The following GPHN variants were observed in gnomAD, a reference collection of about 807,000 sequenced individuals.
The protein encoded by GPHN is gephyrin.
A neutral mutation model predicts 95.5 loss-of-function variants in GPHN; 17 were observed. That is an observed-to-expected ratio of 0.18 (90% CI 0.12 to 0.27). The LOEUF is 0.27. GPHN is among the 10% of genes least tolerant of loss of function. The pLI is 1.00. For missense variants in GPHN, 660 were observed against 978.1 expected, an observed-to-expected ratio of 0.67 and a Z score of 4.34; for synonymous variants, 320 against 322.5, an observed-to-expected ratio of 0.99 and a Z score of 0.08.
chr14:66,628,050 A>G (rs953107727), intron 1 of GPHN, among the ~76,000 whole-genome samples: 1 of 152,162 alleles, frequency 6.6e-6, no homozygotes, highest in Non-Finnish European at 1.5e-5. Context: ...TAGGGGAAAG[A>G]ATTAAGCCTG....
intron 2 of GPHN, among the ~76,000 whole-genome samples, chr14:66,746,514 G>A (rs8016213): frequency 0.31 from 47,226 of 151,802 alleles, 11,153 homozygotes; most frequent in African/African-American, 0.64. Flanking sequence ...TTGTAGATCT[G>A]TTCTTAGCTA....
chr14:66,856,212 G>A (rs1227468443), intron 4 of GPHN, among the ~76,000 whole-genome samples: 4 of 152,086 alleles, frequency 2.6e-5, no homozygotes, highest in Non-Finnish European at 5.9e-5. Context: ...CTTGCCATAT[G>A]GAAGTTAAGA....
At chr14:67,205,008 C>T in the GPHN span, 14 of 1,558,056 alleles carry the variant, frequency 9.0e-6, 1 homozygote, top group South Asian at 1.6e-4. Context: ...AAGTCACAGA[C>T]AGCTCTGATA....
At chr14:66,634,962 A>T (rs1297495975) in intron 1 of GPHN, among the ~76,000 whole-genome samples, 1 of 152,128 alleles carries the variant, frequency 6.6e-6, no homozygotes, top group Non-Finnish European at 1.5e-5. Context: ...ATGTAGGTGG[A>T]CTGGATGTAG....
the GPHN span, chr14:67,561,817 C>T: frequency 2.9e-6 from 2 of 678,146 alleles, no homozygotes; most frequent in East Asian, 5.5e-5. Flanking sequence ...CTGCAGTGAG[C>T]CAAAATTGCT....
At chr14:67,722,445 G>T in the GPHN span, 21 of 660,508 alleles carry the variant, frequency 3.2e-5, no homozygotes, top group South Asian at 2.5e-4. Context: ...CCAGCAGGCT[G>T]TGCTCTGACA....
chr14:67,684,993 CAA>C, the GPHN span: 1 of 1,582,994 alleles, frequency 6.3e-7, no homozygotes, highest in South Asian at 1.2e-5. Flanking sequence ...ATCTCATCTG[CAA>C]AAAGAGATAA....
At chr14:66,926,704 T>C (rs1217586591) in intron 8 of GPHN, among the ~76,000 whole-genome samples, 1 of 152,228 alleles carries the variant, frequency 6.6e-6, no homozygotes, top group African/African-American at 2.4e-5. Context: ...GTTTTGTTTT[T>C]ATTTTTGCTT....
the GPHN span, chr14:67,652,529 C>T: frequency 1.9e-5 from 3 of 155,098 alleles, no homozygotes; most frequent in African/African-American, 7.2e-5. Flanking sequence ...CTTGTGTTTT[C>T]TGGACCTTTA....
the GPHN span, among the ~76,000 whole-genome samples, chr14:67,375,977 A>C: frequency 6.6e-6 from 1 of 152,190 alleles, no homozygotes; most frequent in South Asian, 2.1e-4. Context: ...TGAAGACCTT[A>C]ATACTTTTTG....
intron 9 of GPHN, chr14:66,969,471 T>A (rs1033830835): frequency 6.6e-6 from 1 of 152,178 alleles, no homozygotes; most frequent in African/African-American, 2.4e-5. Context: ...GAGTGCTGAT[T>A]TTCAATTATG....
rs745627718 is a variant in GPHN, at chr14:67,143,328, G to A, written c.1749-34G>A. On this transcript the variant is annotated intron_variant, in intron 17 of 22. Transcript: ENST00000478722. ...GCACTATATCTAAAATCTTTTCCTT[G>A]TGTGTTAATTTCTTTGTCTTTATTT... 2.2e-6 allele frequency: 3 copies of A among 1,344,134 alleles called. No homozygotes were observed. The African/African-American group carries it at 4.3e-5, about 19-fold the overall frequency. The allele number at this position is 1,344,134 out of a possible 1,614,324, so 83.3% of individuals were successfully genotyped here.
chr14:66,922,256 G>A (rs2066259295), intron 6 of GPHN, among the ~76,000 whole-genome samples: 1 of 144,662 alleles, frequency 6.9e-6, no homozygotes. Flanking sequence ...AAAAGGAATA[G>A]TCAGCAGAGT....
Position 67,143,306 on chromosome 14 carries a change from C to G in GPHN, c.1749-56C>G, listed in dbSNP as rs369018348. On this transcript the variant is annotated intron_variant, in intron 17 of 22. Transcript: ENST00000478722. ...AAGGCGATGTAGTTTTAAGTTGGCA[C>G]TATATCTAAAATCTTTTCCTTGTGT... 1.9e-5 allele frequency: 21 copies of G among 1,082,136 alleles called. No individual in the cohort carries two copies. In the African/African-American group the frequency reaches 2.6e-4, roughly 13 times the overall value. The allele number at this position is 1,082,136 out of a possible 1,614,324, so 67.0% of individuals were successfully genotyped here.
rs112449937 is a variant in GPHN at position 66,579,964 on chromosome 14, C to CAT, written c.64+71373_64+71374insAT. Among the ~76,000 whole-genome samples, 552 of 151,786 alleles carry CAT rather than the reference C, an allele frequency of 3.6e-3. 12 individuals carry two copies. The highest frequency in any genetic ancestry group is 0.013 in the African/African-American group (526 of 41,492). On this transcript the variant is annotated intron_variant, in intron 1 of 22. Coordinates refer to ENST00000478722, the MANE Select transcript of GPHN (RefSeq NM_020806.5). Reference sequence around the variant, plus strand: ...GCTAAACATTCTCCAGGGTATACCACGTTAGTCTAGAAAACAAATCGTAAC... The same window carrying CAT: ...GCTAAACATTCTCCAGGGTATACCACATGTTAGTCTAGAAAACAAATCGTAAC...
intron 6 of GPHN, among the ~76,000 whole-genome samples, chr14:66,922,061 C>A (rs1005566585): frequency 6.6e-6 from 1 of 152,036 alleles, no homozygotes; most frequent in African/African-American, 2.4e-5. Flanking sequence ...AAAATCAACT[C>A]AAGATGAATT....
At chr14:67,268,952 G>A in the GPHN span, among the ~76,000 whole-genome samples, 1 of 152,126 alleles carries the variant, frequency 6.6e-6, no homozygotes, top group South Asian at 2.1e-4. Context: ...AGTATATTTA[G>A]AGTTGTGCAA....
At chr14:67,497,436 G>A in the GPHN span, among the ~76,000 whole-genome samples, 1 of 152,096 alleles carries the variant, frequency 6.6e-6, no homozygotes, top group East Asian at 1.9e-4. Flanking sequence ...AAGAACTGAC[G>A]GGCAGCTCCG....
Position 66,952,852 on chromosome 14 carries a change from G to A in GPHN, c.829-12339G>A, listed in dbSNP as rs578138456. On this transcript the variant is annotated intron_variant, in intron 8 of 22. Transcript: ENST00000478722. ...TAGGATTACAGGTGCCCGGCACCAC[G>A]CCTGACTAATTTTTTGTATTTTTAG... Among the ~76,000 whole-genome samples the A allele has an allele frequency of 9.2e-5, 14 of 152,024 alleles. No individual in the cohort carries two copies. The East Asian group carries it at 1.2e-3, about 13-fold the overall frequency.
Sources: gnomAD v4.1 joint callset for allele counts (sites outside exome capture counted in the v4.1 genomes callset) on GRCh38, gnomAD v4.1.1 for gene constraint, MANE v1.5 for transcripts, NCBI Gene and HGNC (gene_info 2026-07-23, HGNC 2026-07-21) for gene names.